The following SLC10A7 variants were observed in gnomAD, a reference collection of about 807,000 sequenced individuals.
The protein encoded by SLC10A7 is solute carrier family 10 member 7, also known as sodium/bile acid cotransporter 7.
In SLC10A7, 29 loss-of-function variants were observed where a neutral mutation model predicts 43.2. The ratio of observed to expected loss-of-function variants is 0.67; its 90% CI spans 0.50 to 0.92. The LOEUF is 0.92. SLC10A7 is among the 40% of genes least tolerant of loss of function. The pLI is 0.00. For synonymous variants in SLC10A7, 152 were observed against 144.8 expected, an observed-to-expected ratio of 1.05 and a Z score of -0.35; for missense variants, 295 against 403.2, an observed-to-expected ratio of 0.73 and a Z score of 2.30.
intron 1 of SLC10A7, 36 bp downstream of exon 1, chr4:146,521,582 G>A (rs1738666500): frequency 2.6e-6 from 4 of 1,565,228 alleles, no homozygotes; most frequent in Middle Eastern, 1.7e-4. Flanking sequence ...TCTGAAGTGG[G>A]AGCCGCGGTG....
At chr4:146,335,142 T>TTTTTG (rs535672037) in intron 5 of SLC10A7, among the ~76,000 whole-genome samples, 160 of 151,410 alleles carry the variant, frequency 1.1e-3, no homozygotes, top group Admixed American at 1.6e-3. Context: ...TAGTTGAAGG[T>TTTTTG]TTTTGTTTTG....
In SLC10A7 at chr4:146,428,427, T is replaced by A. The variant is rs552287758; in HGVS notation, c.435+14356A>T. On this transcript the variant is annotated intron_variant, in intron 5 of 11. Transcript: ENST00000335472. ...AGCAATATTCTGAATTATGAACTCATCAAACTCAAGTGCAGAGGGCTGTAA... is the reference window on the plus strand; with the variant it reads ...AGCAATATTCTGAATTATGAACTCAACAAACTCAAGTGCAGAGGGCTGTAA... Among the ~76,000 whole-genome samples, 26 of 152,310 alleles carry A rather than the reference T, an allele frequency of 1.7e-4. No homozygotes were observed. In the East Asian group the frequency reaches 5.0e-3, roughly 29 times the overall value.
chr4:146,475,264 CATT>C (rs1448062067), intron 4 of SLC10A7, among the ~76,000 whole-genome samples: 2 of 152,034 alleles, frequency 1.3e-5, no homozygotes, highest in Non-Finnish European at 2.9e-5. Context: ...GCTTCCCAAA[CATT>C]ATTCTTAGGT....
intron 10 of SLC10A7, among the ~76,000 whole-genome samples, chr4:146,264,544 A>C (rs927715219): frequency 6.6e-6 from 1 of 152,080 alleles, no homozygotes; most frequent in Non-Finnish European, 1.5e-5. Context: ...GGTGGTAGGG[A>C]TATCAGGAGA....
chr4:146,382,888 T>C (rs542261245), intron 5 of SLC10A7, among the ~76,000 whole-genome samples: 66 of 151,992 alleles, frequency 4.3e-4, no homozygotes, highest in African/African-American at 1.5e-3. Flanking sequence ...GGGCCCAGGG[T>C]ATCTTGAGAT....
At chr4:146,311,315 C>T (rs1467936261) in intron 6 of SLC10A7, among the ~76,000 whole-genome samples, 1 of 152,116 alleles carries the variant, frequency 6.6e-6, no homozygotes, top group Non-Finnish European at 1.5e-5. Flanking sequence ...GAGATGTTGA[C>T]TGTCTGTAGA....
At chr4:146,492,252 C>G (rs1034685330) in intron 4 of SLC10A7, among the ~76,000 whole-genome samples, 1 of 151,970 alleles carries the variant, frequency 6.6e-6, no homozygotes, top group Non-Finnish European at 1.5e-5. Flanking sequence ...AAAGACACAG[C>G]CTGATGACTT....
intron 5 of SLC10A7, among the ~76,000 whole-genome samples, chr4:146,370,269 C>T (rs1448772246): frequency 2.0e-5 from 3 of 152,066 alleles, no homozygotes; most frequent in South Asian, 2.1e-4. Flanking sequence ...CCATTCTCTT[C>T]GGAACACAAG....
chr4:146,425,920 T>A (rs890358968), intron 5 of SLC10A7, among the ~76,000 whole-genome samples: 1 of 152,174 alleles, frequency 6.6e-6, no homozygotes, highest in African/African-American at 2.4e-5. Context: ...CTTCCTCTAA[T>A]CCCATTCTCA....
intron 5 of SLC10A7, among the ~76,000 whole-genome samples, chr4:146,422,520 T>C (rs934411124): frequency 1.3e-5 from 2 of 152,184 alleles, no homozygotes; most frequent in African/African-American, 2.4e-5. Flanking sequence ...AGAACATTAC[T>C]ATAGTTTAAC....
At chr4:146,405,710 GTACAAA>G (rs764389725) in intron 5 of SLC10A7, among the ~76,000 whole-genome samples, 1 of 152,078 alleles carries the variant, frequency 6.6e-6, no homozygotes, top group Non-Finnish European at 1.5e-5. Context: ...CTGGGTAGAT[GTACAAA>G]TACCTTGGAT....
At chr4:146,363,958 G>A (rs1736223727) in intron 5 of SLC10A7, among the ~76,000 whole-genome samples, 1 of 151,552 alleles carries the variant, frequency 6.6e-6, no homozygotes, top group Non-Finnish European at 1.5e-5. Flanking sequence ...AAAAGCAAGA[G>A]CACACCAAAC....
intron 9 of SLC10A7, among the ~76,000 whole-genome samples, chr4:146,286,093 TGA>T (rs1271826254): frequency 1.4e-5 from 2 of 146,314 alleles, no homozygotes; most frequent in African/African-American, 5.1e-5. Context: ...TCTGGAGTGG[TGA>T]GAAGGACTGA....
intron 5 of SLC10A7, among the ~76,000 whole-genome samples, chr4:146,411,194 C>G (rs1728168804): frequency 6.6e-6 from 1 of 152,076 alleles, no homozygotes; most frequent in Non-Finnish European, 1.5e-5. Flanking sequence ...GTCAAACTTC[C>G]TTAAGTGTCT....
In SLC10A7 at chr4:146,290,107, A is replaced by G. The variant is rs369104584; in HGVS notation, c.773+2822T>C. ...TGGGAGGCCAAGGTGGGCGGATCAC[A>G]AGGTCAGGAGATCCAGACCATCCTG... On this transcript the variant is annotated intron_variant, in intron 9 of 11. Transcript: ENST00000335472. Among the ~76,000 whole-genome samples the G allele has an allele frequency of 2.5e-3, 369 of 150,580 alleles. 1 individual carries two copies. The highest frequency in any genetic ancestry group is 4.7e-3 in the African/African-American group (193 of 41,296).
intron 5 of SLC10A7, among the ~76,000 whole-genome samples, chr4:146,364,993 C>T (rs1736297559): frequency 6.6e-6 from 1 of 152,102 alleles, no homozygotes; most frequent in African/African-American, 2.4e-5. Flanking sequence ...CTGCTCTCAT[C>T]AGAGAGTATC....
chr4:146,505,151 G>T (rs1438157192), intron 3 of SLC10A7, among the ~76,000 whole-genome samples: 1 of 152,156 alleles, frequency 6.6e-6, no homozygotes, highest in East Asian at 1.9e-4. Flanking sequence ...GATTTGAAAT[G>T]TGAGGGCCCC....
intron 4 of SLC10A7, among the ~76,000 whole-genome samples, chr4:146,467,595 C>A (rs1733160987): frequency 7.9e-6 from 1 of 127,038 alleles, no homozygotes; most frequent in African/African-American, 3.1e-5. Context: ...AGACAGAGCG[C>A]TCTGTTTCCC....
At position 146,437,955 on chromosome 4, in the gene SLC10A7, G is replaced by T. The variant is rs202059336; in HGVS notation, c.435+4828C>A. On this transcript the variant is annotated intron_variant, in intron 5 of 11. Coordinates refer to ENST00000335472, the MANE Select transcript of SLC10A7 (RefSeq NM_001029998.6). Reference sequence around the variant, plus strand: ...ATGATCATCTTTGTCATTCACTAGGGTTTCCTTTTAAGATCAGGAGTCACC... The same window carrying T: ...ATGATCATCTTTGTCATTCACTAGGTTTTCCTTTTAAGATCAGGAGTCACC... 1.1e-4 allele frequency among the ~76,000 whole-genome samples: 17 copies of T among 151,902 alleles called. No homozygotes were observed. The East Asian group carries it at 2.3e-3, about 21-fold the overall frequency.
Sources: allele counts gnomAD v4.1 joint callset (sites outside exome capture counted in the v4.1 genomes callset), GRCh38; gene constraint gnomAD v4.1.1; transcripts MANE v1.5; gene names NCBI Gene and HGNC (gene_info 2026-07-23, HGNC 2026-07-21).